The following NR3C1 variants were observed in gnomAD, a reference collection of about 807,000 sequenced individuals.
The protein encoded by NR3C1 is glucocorticoid receptor.
In NR3C1, 14 loss-of-function variants were observed where a neutral mutation model predicts 74.0. That is an observed-to-expected ratio of 0.19 (90% confidence interval 0.12 to 0.30). The LOEUF (loss-of-function observed/expected upper bound fraction) is 0.30. Ranked by LOEUF, NR3C1 falls within the 10% of genes least tolerant of loss-of-function variation. The probability of loss-of-function intolerance (pLI) is 1.00; values close to 1 mark genes in which losing one functional copy is unlikely to be tolerated. For synonymous variants in NR3C1, 308 were observed against 332.5 expected (o/e 0.93, Z 0.80); for missense variants, 695 against 909.8 (o/e 0.76, Z 3.04).
intron 6 of NR3C1, among the ~76,000 whole-genome samples, chr5:143,296,391 C>T (rs1436270379): frequency 1.3e-5 from 2 of 151,792 alleles, no homozygotes; most frequent in Non-Finnish European, 2.9e-5. Context: ...ATAAATTAGA[C>T]ATGACTTATA....
intron 2 of NR3C1, among the ~76,000 whole-genome samples, chr5:143,339,140 C>T (rs1022684222): frequency 2.0e-5 from 3 of 152,134 alleles, no homozygotes; most frequent in East Asian, 1.9e-4. Flanking sequence ...ATGATGACAT[C>T]GCCTAATGAT....
intron 7 of NR3C1, chr5:143,294,153 T>C: frequency 1.0e-6 from 1 of 985,198 alleles, no homozygotes. Flanking sequence ...TTTGGAAATG[T>C]TTAAATAGAT....
intron 2 of NR3C1, among the ~76,000 whole-genome samples, chr5:143,333,508 G>A (rs1826445269): frequency 1.3e-5 from 2 of 151,914 alleles, no homozygotes; most frequent in South Asian, 2.1e-4. Flanking sequence ...GGTGGCTCAC[G>A]CCTGTAATCC....
chr5:143,431,487 G>T (rs1751820272), intron 1 of NR3C1, among the ~76,000 whole-genome samples: 1 of 151,964 alleles, frequency 6.6e-6, no homozygotes, highest in South Asian at 2.1e-4. Context: ...CACATACCCG[G>T]GCCTGTCAGG....
At chr5:143,301,905 A>T (rs1415162987) in intron 4 of NR3C1, among the ~76,000 whole-genome samples, 1 of 152,114 alleles carries the variant, frequency 6.6e-6, no homozygotes, top group Non-Finnish European at 1.5e-5. Context: ...GAATGGTTCC[A>T]TTCTTATTGT....
intron 1 of NR3C1, among the ~76,000 whole-genome samples, chr5:143,418,846 T>G (rs1245434882): frequency 6.6e-6 from 1 of 152,172 alleles, no homozygotes; most frequent in Non-Finnish European, 1.5e-5. Flanking sequence ...ACTCTGACAC[T>G]CCAAGTTGTG....
chr5:143,297,075 C>CAAAAAAAAAAAAAAAAAA (rs766243522), intron 6 of NR3C1, among the ~76,000 whole-genome samples: 1 of 60,630 alleles, frequency 1.6e-5, no homozygotes, highest in Non-Finnish European at 3.3e-5. Context: ...AGACTCGTCT[C>CAAAAAAAAAAAAAAAAAA]AAAAAAAAAA....
At position 143,399,961 on chromosome 5, in the gene NR3C1, C is replaced by T. The variant is rs10482622; in HGVS notation, c.879G>A (p.Lys293=). Residue 293 remains lysine, a synonymous_variant, in exon 2 of 9, where the codon AAG becomes AAA. Transcript: ENST00000394464. ...FIELCTPGVI[K]QEKLGTVYCQ... ...AGTAAACTGTGCCCAGTTTCTCTTGCTTAATTACCCCAGGGGTGCAGAGTT... is the reference window on the plus strand; with the variant it reads ...AGTAAACTGTGCCCAGTTTCTCTTGTTTAATTACCCCAGGGGTGCAGAGTT... 4.4e-3 allele frequency: 7,078 copies of T among 1,614,132 alleles called. 275 individuals are homozygous for T. The African/African-American group carries it at 0.083, about 19-fold the overall frequency.
rs975337153 is a variant in NR3C1, at chr5:143,333,119, C to T, written c.1185-18951G>A. 22 of 1,592,316 alleles carry T rather than the reference C, an allele frequency of 1.4e-5. No individual in the cohort carries two copies. In the African/African-American group the frequency reaches 2.5e-4, roughly 18 times the overall value. On this transcript the variant is annotated intron_variant, in intron 2 of 8. Coordinates refer to ENST00000394464, the MANE Select transcript of NR3C1 (RefSeq NM_000176.3). ...TCCAGGAGATCTCATGGTTCTTGCG[C>T]CCTTTCCACCTCTCAGTGGCCCATC... is the stretch of plus-strand genomic sequence containing the variant.
At chr5:143,286,503 G>T (rs182298410) in intron 7 of NR3C1, among the ~76,000 whole-genome samples, 1 of 151,906 alleles carries the variant, frequency 6.6e-6, no homozygotes, top group Non-Finnish European at 1.5e-5. Context: ...GACTAAAAAC[G>T]AAAAATATAT....
intron 7 of NR3C1, among the ~76,000 whole-genome samples, chr5:143,284,416 C>T (rs748893716): frequency 1.2e-4 from 18 of 151,966 alleles, no homozygotes; most frequent in South Asian, 2.1e-4. Context: ...AAATGAAGAC[C>T]GCTTAATCAG....
chr5:143,359,016 T>C (rs956838339), intron 2 of NR3C1, among the ~76,000 whole-genome samples: 3 of 152,186 alleles, frequency 2.0e-5, no homozygotes, highest in Admixed American at 6.5e-5. Flanking sequence ...TTAATCTGCA[T>C]AGGAAGCAAT....
At chr5:143,315,966 AG>A (rs1821989287) in intron 2 of NR3C1, among the ~76,000 whole-genome samples, 1 of 152,226 alleles carries the variant, frequency 6.6e-6, no homozygotes, top group Non-Finnish European at 1.5e-5. Flanking sequence ...AAAAGGCCCC[AG>A]GGTTTCACAT....
chr5:143,393,508 T>C (rs1054500059), intron 2 of NR3C1, among the ~76,000 whole-genome samples: 1 of 152,134 alleles, frequency 6.6e-6, no homozygotes, highest in Non-Finnish European at 1.5e-5. Flanking sequence ...TTTCTACTAC[T>C]GAATATCTAA....
chr5:143,307,502 T>C (rs1819892586), intron 4 of NR3C1, among the ~76,000 whole-genome samples: 1 of 152,184 alleles, frequency 6.6e-6, no homozygotes, highest in South Asian at 2.1e-4. Flanking sequence ...AAAAACATTA[T>C]ATACTTAAAA....
chr5:143,392,355 C>T (rs573371197), intron 2 of NR3C1, among the ~76,000 whole-genome samples: 2 of 152,096 alleles, frequency 1.3e-5, no homozygotes, highest in Non-Finnish European at 2.9e-5. Context: ...GAAACTGTGA[C>T]AAAAAGCAGT....
chr5:143,312,657 C>G (rs1199374880), intron 3 of NR3C1, among the ~76,000 whole-genome samples: 1 of 152,174 alleles, frequency 6.6e-6, no homozygotes, highest in African/African-American at 2.4e-5. Flanking sequence ...GAGGCAACCC[C>G]ATTGTAAGTC....
rs561902209 is a variant in NR3C1 at position 143,402,778 on chromosome 5, C to G, written c.-14+433G>C. On this transcript the variant is annotated intron_variant, in intron 1 of 8. Transcript: ENST00000394464. ...GAGCCCGGGCTCGCGCTCGGGCGCG[C>G]CGGGGTGGCGTGCAAATATTCGGGC... 7.1e-6 allele frequency: 7 copies of G among 985,412 alleles called. No individual in the cohort carries two copies. In the African/African-American group the frequency reaches 8.7e-5, roughly 12 times the overall value. 61.0% of individuals were successfully genotyped at this position (985,412 alleles called of 1,614,324 possible). A position where few individuals can be genotyped will look rare whatever the true frequency, so the allele number is the denominator to read the frequency against.
chr5:143,419,378 A>G (rs530129607), intron 1 of NR3C1, among the ~76,000 whole-genome samples: 1 of 152,280 alleles, frequency 6.6e-6, no homozygotes, highest in African/African-American at 2.4e-5. Flanking sequence ...ACTTATTTGA[A>G]GCACTATGAT....
Sources: gnomAD v4.1 joint callset for allele counts (sites outside exome capture counted in the v4.1 genomes callset) on GRCh38, gnomAD v4.1.1 for gene constraint, MANE v1.5 for transcripts, NCBI Gene and HGNC (gene_info 2026-07-23, HGNC 2026-07-21) for gene names.